FOXN2: variants seen among roughly 807,000 people sequenced by gnomAD.
The protein encoded by FOXN2 is forkhead box N2, also known as forkhead box protein N2.
Under a neutral mutation model 41.2 loss-of-function variants are expected in FOXN2, and 19 were observed. The observed-to-expected ratio is 0.46, with a 90% CI of 0.32 to 0.68. The LOEUF is 0.68. Ranked by LOEUF, FOXN2 falls within the 30% of genes least tolerant of loss-of-function variation. The probability of loss-of-function intolerance (pLI) is 0.03; values close to 1 mark genes in which losing one functional copy is unlikely to be tolerated. For synonymous variants in FOXN2, 195 were observed against 176.8 expected, an observed-to-expected ratio of 1.10 and a Z score of -0.82; for missense variants, 587 against 509.4, an observed-to-expected ratio of 1.15 and a Z score of -1.47.
chr2:48,357,923 TTGC>T lies in FOXN2; in HGVS notation c.538-1119_538-1117del, dbSNP rs796739401. ...TTTTTAGTATAGTTAATGTGATATC[TTGC>T]TGCTAAACACCAGGAAAATGTTTCT... is the stretch of plus-strand genomic sequence containing the variant. On this transcript the variant is annotated intron_variant, in intron 3 of 6. Transcript: ENST00000340553. Among the ~76,000 whole-genome samples the T allele has an allele frequency of 3.0e-4, 46 of 152,058 alleles. 1 individual carries two copies. The highest frequency in any genetic ancestry group is 9.9e-4 in the African/African-American group (41 of 41,494).
intron 2 of FOXN2, among the ~76,000 whole-genome samples, chr2:48,334,514 C>G (rs1483669392): frequency 1.3e-5 from 2 of 152,206 alleles, no homozygotes; most frequent in African/African-American, 4.8e-5. Flanking sequence ...AACCACGTAC[C>G]TGGATCAAGG....
Position 48,346,410 on chromosome 2 carries a change from A to T in FOXN2, c.196A>T (p.Thr66Ser), listed in dbSNP as rs914992662. The change falls in exon 3 of 7, where the codon ACT (threonine) becomes TCT (serine). Residue 66 changes from threonine to serine, a missense_variant. Coordinates refer to ENST00000340553, the MANE Select transcript of FOXN2 (RefSeq NM_002158.4). ...AAACTTGAACTGGCTTCATGAAAGC[A>T]CTAATCTTCTAACAAACTTCAGCCT... is the stretch of plus-strand genomic sequence containing the variant. Reference protein sequence around the residue: ...LTNLNWLHESTNLLTNFSLGS... With the variant: ...LTNLNWLHESSNLLTNFSLGS... The T allele has an allele frequency of 9.9e-6, 16 of 1,614,232 alleles. No homozygotes were observed. Among genetic ancestry groups the T allele is most frequent in the Non-Finnish European group, 1.4e-5 (16 of 1,180,032 alleles).
chr2:48,370,273 G>C (rs550925981), intron 5 of FOXN2, among the ~76,000 whole-genome samples: 32 of 152,294 alleles, frequency 2.1e-4, no homozygotes, highest in Non-Finnish European at 4.3e-4. Context: ...CTTCAGACGT[G>C]TTAGAATACT....
intron 2 of FOXN2, among the ~76,000 whole-genome samples, 179 bp from the exon 3 acceptor site, chr2:48,346,022 T>G (rs1166670746): frequency 6.6e-6 from 1 of 152,100 alleles, no homozygotes; most frequent in Non-Finnish European, 1.5e-5. Flanking sequence ...CTAATATAAG[T>G]TATTTTCCTT....
At chr2:48,369,506 C>T (rs1672748229) in intron 5 of FOXN2, among the ~76,000 whole-genome samples, 1 of 151,998 alleles carries the variant, frequency 6.6e-6, no homozygotes. Context: ...CCATTGCACT[C>T]CAGCCTGGAC....
intron 2 of FOXN2, among the ~76,000 whole-genome samples, chr2:48,337,291 C>G (rs1405328934): frequency 4.3e-5 from 6 of 140,584 alleles, no homozygotes; most frequent in Non-Finnish European, 9.3e-5. Flanking sequence ...GATTGGATCT[C>G]TTTTTTTTTT....
intron 5 of FOXN2, among the ~76,000 whole-genome samples, chr2:48,366,706 C>A (rs1196067443): frequency 6.6e-6 from 1 of 151,962 alleles, no homozygotes; most frequent in African/African-American, 2.4e-5. Flanking sequence ...GGTATTGCTG[C>A]CCCTCTTTTA....
chr2:48,350,194 C>T (rs1671364212), intron 3 of FOXN2, among the ~76,000 whole-genome samples: 1 of 152,236 alleles, frequency 6.6e-6, no homozygotes, highest in South Asian at 2.1e-4. Flanking sequence ...ATATTTCTGT[C>T]ATCATAAACA....
chr2:48,316,628 GAA>G (rs1234610322), intron 1 of FOXN2, among the ~76,000 whole-genome samples: 4 of 152,116 alleles, frequency 2.6e-5, no homozygotes, highest in African/African-American at 9.7e-5. Flanking sequence ...GATTTTAAGA[GAA>G]TGAAATATAA....
At chr2:48,324,729 T>C (rs138573616) in intron 1 of FOXN2, among the ~76,000 whole-genome samples, 74 of 152,352 alleles carry the variant, frequency 4.9e-4, no homozygotes, top group African/African-American at 1.7e-3. Flanking sequence ...TGACTTGGTG[T>C]GTATTAAGTA....
At chr2:48,348,966 C>T (rs1318248764) in intron 3 of FOXN2, among the ~76,000 whole-genome samples, 1 of 152,170 alleles carries the variant, frequency 6.6e-6, no homozygotes, top group African/African-American at 2.4e-5. Context: ...CTTGATTCTT[C>T]TCCAGCATTA....
chr2:48,336,747 G>A (rs76476136), intron 2 of FOXN2, among the ~76,000 whole-genome samples: 1 of 151,950 alleles, frequency 6.6e-6, no homozygotes, highest in South Asian at 2.1e-4. Context: ...TTAGGATAGA[G>A]ACTACAAGGA....
At chr2:48,321,416 G>T (rs1287332091) in intron 1 of FOXN2, among the ~76,000 whole-genome samples, 1 of 152,056 alleles carries the variant, frequency 6.6e-6, no homozygotes, top group South Asian at 2.1e-4. Flanking sequence ...AGTGCCTGTA[G>T]TCCCAGCTAC....
chr2:48,329,831 A>T (rs575006300), intron 2 of FOXN2, among the ~76,000 whole-genome samples: 1 of 152,072 alleles, frequency 6.6e-6, no homozygotes, highest in African/African-American at 2.4e-5. Flanking sequence ...CCTTCCTTTT[A>T]TATGCCTTTT....
At chr2:48,324,335 C>T (rs1452625395) in intron 1 of FOXN2, among the ~76,000 whole-genome samples, 2 of 152,008 alleles carry the variant, frequency 1.3e-5, no homozygotes, top group Non-Finnish European at 2.9e-5. Context: ...GCTGGGATTA[C>T]AGGCACCTAC....
chr2:48,323,481 A>G (rs1669470958), intron 1 of FOXN2, among the ~76,000 whole-genome samples: 1 of 152,040 alleles, frequency 6.6e-6, no homozygotes, highest in Non-Finnish European at 1.5e-5. Context: ...CATTTATCTG[A>G]TGATTAGTGA....
chr2:48,316,799 T>C (rs1049958088), intron 1 of FOXN2, among the ~76,000 whole-genome samples: 1 of 152,226 alleles, frequency 6.6e-6, no homozygotes, highest in African/African-American at 2.4e-5. Flanking sequence ...TTCTGTATTG[T>C]ATGTTTTTAT....
At chr2:48,374,806 A>G (rs751036391) in intron 6 of FOXN2, 114 bp from the exon 7 acceptor site, 4 of 861,952 alleles carry the variant, frequency 4.6e-6, no homozygotes, top group Admixed American at 5.2e-5. Flanking sequence ...AAAATCTACA[A>G]AGCATCATGA....
intron 5 of FOXN2, among the ~76,000 whole-genome samples, chr2:48,370,608 T>A (rs1194175348): frequency 6.6e-6 from 1 of 152,194 alleles, no homozygotes; most frequent in African/African-American, 2.4e-5. Context: ...TTTTGAGCAA[T>A]GTCTGTTCTG....
Sources: allele counts gnomAD v4.1 joint callset (sites outside exome capture counted in the v4.1 genomes callset), GRCh38; gene constraint gnomAD v4.1.1; transcripts MANE v1.5; gene names NCBI Gene and HGNC (gene_info 2026-07-23, HGNC 2026-07-21).